NDUFS4: variants seen among roughly 807,000 people sequenced by gnomAD.
The protein encoded by NDUFS4 is NADH:ubiquinone oxidoreductase subunit S4, also known as NADH dehydrogenase [ubiquinone] iron-sulfur protein 4, mitochondrial.
In NDUFS4, 28 loss-of-function variants were observed where a neutral mutation model predicts 24.3. The observed-to-expected ratio is 1.15, with a 90% CI of 0.85 to 1.58. The LOEUF is 1.58. Among genes scored for constraint, NDUFS4 ranks in the 40% most tolerant of loss-of-function variants. The pLI is 0.00. For synonymous variants in NDUFS4, 93 were observed against 69.7 expected (o/e 1.34, Z -1.67); for missense variants, 223 against 207.9 (o/e 1.07, Z -0.45).
At chr5:53,594,972 C>T (rs542652808) in intron 1 of NDUFS4, among the ~76,000 whole-genome samples, 40 of 152,074 alleles carry the variant, frequency 2.6e-4, no homozygotes, top group African/African-American at 9.6e-4. Context: ...GGGATTCAGA[C>T]ATTATGCTTC....
At chr5:53,659,242 T>A (rs1213076004) in intron 4 of NDUFS4, among the ~76,000 whole-genome samples, 1 of 152,198 alleles carries the variant, frequency 6.6e-6, no homozygotes, top group Non-Finnish European at 1.5e-5. Flanking sequence ...TTGATCTTGC[T>A]ATCAACAAAA....
intron 2 of NDUFS4, among the ~76,000 whole-genome samples, chr5:53,628,377 A>C (rs1751294221): frequency 6.6e-6 from 1 of 152,232 alleles, no homozygotes; most frequent in Non-Finnish European, 1.5e-5. Context: ...TTTTGGTATC[A>C]GGATGATACT....
At chr5:53,660,303 T>A (rs1298870042) in intron 4 of NDUFS4, among the ~76,000 whole-genome samples, 3 of 152,114 alleles carry the variant, frequency 2.0e-5, no homozygotes, top group African/African-American at 7.2e-5. Context: ...TCCAGCTTCA[T>A]CCATGTCCCT....
intron 2 of NDUFS4, among the ~76,000 whole-genome samples, chr5:53,619,085 G>C (rs1373713569): frequency 6.6e-6 from 1 of 151,636 alleles, no homozygotes. Flanking sequence ...CTCTACTCCA[G>C]CTTGGGCAAC....
At chr5:53,595,118 A>G (rs1750094034) in intron 1 of NDUFS4, among the ~76,000 whole-genome samples, 1 of 152,052 alleles carries the variant, frequency 6.6e-6, no homozygotes, top group South Asian at 2.1e-4. Flanking sequence ...GATCTGTACT[A>G]TTTGTTTAAT....
chr5:53,588,673 AAT>A (rs1472951274), intron 1 of NDUFS4, among the ~76,000 whole-genome samples: 3 of 152,178 alleles, frequency 2.0e-5, no homozygotes, highest in African/African-American at 4.8e-5. Flanking sequence ...TTTAAAAAAC[AAT>A]ATGTCAGTCC....
At chr5:53,581,216 T>A (rs1289354456) in intron 1 of NDUFS4, among the ~76,000 whole-genome samples, 1 of 152,162 alleles carries the variant, frequency 6.6e-6, no homozygotes, top group Non-Finnish European at 1.5e-5. Flanking sequence ...CTTCTCTCCT[T>A]CCTCTCTTAG....
chr5:53,651,865 C>T (rs1371432737), intron 3 of NDUFS4, among the ~76,000 whole-genome samples: 2 of 151,490 alleles, frequency 1.3e-5, no homozygotes, highest in East Asian at 1.9e-4. Flanking sequence ...CTCCGCCTCC[C>T]GGGTTCATGC....
chr5:53,588,988 A>G (rs1370511186), intron 1 of NDUFS4, among the ~76,000 whole-genome samples: 1 of 152,186 alleles, frequency 6.6e-6, no homozygotes, highest in African/African-American at 2.4e-5. Context: ...CCATCTTAAA[A>G]AAAAAAATTA....
rs774622848 is a variant in NDUFS4 at position 53,603,405 on chromosome 5, C to T, written c.99-47C>T. Reference sequence around the variant, plus strand: ...GTTTATGTAAGATTTGTCTGTCTCTCCTCTCATTGCCTGGATCCTTTTTTA... The same window carrying T: ...GTTTATGTAAGATTTGTCTGTCTCTTCTCTCATTGCCTGGATCCTTTTTTA... On this transcript the variant is annotated intron_variant, in intron 1 of 4. Coordinates refer to ENST00000296684, the MANE Select transcript of NDUFS4 (RefSeq NM_002495.4). 3 of 1,312,328 alleles carry T rather than the reference C, an allele frequency of 2.3e-6. No homozygotes were observed. The East Asian group carries it at 7.0e-5, about 31-fold the overall frequency. The allele number at this position is 1,312,328 out of a possible 1,614,324, so 81.3% of individuals were successfully genotyped here. A position where few individuals can be genotyped will look rare whatever the true frequency, so the allele number is the denominator to read the frequency against.
At chr5:53,563,531 C>T (rs1277993913) in intron 1 of NDUFS4, among the ~76,000 whole-genome samples, 3 of 148,512 alleles carry the variant, frequency 2.0e-5, no homozygotes, top group South Asian at 2.1e-4. Flanking sequence ...GATGTAGTTT[C>T]GCTCTTGTCA....
chr5:53,599,925 C>T (rs1750257932), intron 1 of NDUFS4, among the ~76,000 whole-genome samples: 1 of 152,012 alleles, frequency 6.6e-6, no homozygotes. Context: ...CAGATATTTA[C>T]TGTATAATTC....
intron 4 of NDUFS4, among the ~76,000 whole-genome samples, chr5:53,676,409 C>A (rs1195216728): frequency 6.6e-6 from 1 of 152,152 alleles, no homozygotes; most frequent in Non-Finnish European, 1.5e-5. Context: ...AGTACATAAC[C>A]TTGTTTTATA....
intron 2 of NDUFS4, among the ~76,000 whole-genome samples, chr5:53,610,842 A>G (rs972736181): frequency 6.6e-6 from 1 of 152,108 alleles, no homozygotes; most frequent in Non-Finnish European, 1.5e-5. Flanking sequence ...TTCATACTAC[A>G]GATGTGGTGC....
intron 4 of NDUFS4, among the ~76,000 whole-genome samples, chr5:53,672,050 GCACGGAAGGAAA>G (rs1261901326): frequency 6.6e-6 from 1 of 152,012 alleles, no homozygotes; most frequent in Non-Finnish European, 1.5e-5. Context: ...GAAGGTAGAA[GCACGGAAGGAAA>G]CAGGTCTGGC....
intron 3 of NDUFS4, among the ~76,000 whole-genome samples, chr5:53,657,887 T>C (rs1752209314): frequency 6.7e-6 from 1 of 149,240 alleles, no homozygotes; most frequent in Admixed American, 6.7e-5. Context: ...ATCACGCCAC[T>C]GTACTCCAGC....
At chr5:53,610,320 T>G (rs528481249) in intron 2 of NDUFS4, among the ~76,000 whole-genome samples, 62 of 152,214 alleles carry the variant, frequency 4.1e-4, no homozygotes, top group African/African-American at 1.5e-3. Flanking sequence ...CTTTATTAAT[T>G]TAGTTTGCTA....
intron 4 of NDUFS4, among the ~76,000 whole-genome samples, chr5:53,669,109 A>C (rs1351622808): frequency 6.6e-6 from 1 of 152,184 alleles, no homozygotes; most frequent in Admixed American, 6.5e-5. Context: ...CCAGAGCCTA[A>C]AAATAATTAC....
At chr5:53,583,684 A>G (rs1248507014) in intron 1 of NDUFS4, among the ~76,000 whole-genome samples, 1 of 152,234 alleles carries the variant, frequency 6.6e-6, no homozygotes. Flanking sequence ...CTAGAGTTTA[A>G]GGGATTTTTA....
Sources: gnomAD v4.1 joint callset for allele counts (sites outside exome capture counted in the v4.1 genomes callset) on GRCh38, gnomAD v4.1.1 for gene constraint, MANE v1.5 for transcripts, NCBI Gene and HGNC (gene_info 2026-07-23, HGNC 2026-07-21) for gene names.